Variants in RAD51B observed in about 807,000 individuals in gnomAD.
RAD51B encodes RAD51 paralog B.
Under a neutral mutation model 42.2 loss-of-function variants are expected in RAD51B, and 38 were observed. The ratio of observed to expected loss-of-function variants is 0.90; its 90% CI spans 0.70 to 1.18. The LOEUF (loss-of-function observed/expected upper bound fraction) is 1.18. RAD51B is among the 50% of genes most tolerant of loss of function. RAD51B has a pLI of 0.00. For missense variants in RAD51B, 373 were observed against 400.7 expected (o/e 0.93, Z 0.59); for synonymous variants, 154 against 145.2 (o/e 1.06, Z -0.43).
chr14:68,002,120 A>G (rs1052571251), intron 7 of RAD51B, among the ~76,000 whole-genome samples: 1 of 152,198 alleles, frequency 6.6e-6, no homozygotes, highest in Admixed American at 6.5e-5. Context: ...AGGAATCGCC[A>G]TACTGTGTTC....
intron 8 of RAD51B, among the ~76,000 whole-genome samples, chr14:68,352,945 C>T (rs946658450): frequency 6.6e-6 from 1 of 152,138 alleles, no homozygotes; most frequent in Non-Finnish European, 1.5e-5. Flanking sequence ...GAGGCTGGTA[C>T]TATTTTTCCT....
intron 10 of RAD51B, among the ~76,000 whole-genome samples, chr14:68,591,387 T>G (rs1178789914): frequency 6.6e-6 from 1 of 152,238 alleles, no homozygotes; most frequent in Non-Finnish European, 1.5e-5. Flanking sequence ...CACAGATTCA[T>G]GAATAAAGAC....
chr14:68,439,178 ACACACACACT>A (rs376776070), intron 9 of RAD51B, among the ~76,000 whole-genome samples: 16,589 of 103,722 alleles, frequency 0.16, 1,551 homozygotes, highest in African/African-American at 0.34. Context: ...ACACACACAC[ACACACACACT>A]CTCTCACACA....
At chr14:68,563,061 G>A in intron 10 of RAD51B, 1 of 985,494 alleles carries the variant, frequency 1.0e-6, no homozygotes, top group Non-Finnish European at 1.2e-6. Context: ...CTAGCCAGTG[G>A]GAGGGCAGAG....
intron 7 of RAD51B, among the ~76,000 whole-genome samples, chr14:68,152,523 A>G (rs1269152018): frequency 6.6e-6 from 1 of 152,060 alleles, no homozygotes; most frequent in African/African-American, 2.4e-5. Context: ...ATCACTCCCT[A>G]GAATCTCTTG....
At chr14:68,556,631 T>C (rs2140008094) in intron 10 of RAD51B, among the ~76,000 whole-genome samples, 1 of 152,300 alleles carries the variant, frequency 6.6e-6, no homozygotes, top group East Asian at 1.9e-4. Context: ...AAAGGTTCAC[T>C]GGGAAATGCA....
chr14:68,547,171 C>T (rs1169913039), intron 10 of RAD51B, among the ~76,000 whole-genome samples: 2 of 152,200 alleles, frequency 1.3e-5, no homozygotes, highest in Non-Finnish European at 2.9e-5. Context: ...GGTTCCGGCA[C>T]GATTAGTGCA....
At chr14:68,633,784 A>G (rs1043976570) in intron 10 of RAD51B, among the ~76,000 whole-genome samples, 1 of 152,184 alleles carries the variant, frequency 6.6e-6, no homozygotes, top group African/African-American at 2.4e-5. Context: ...TCGCCCTAAG[A>G]TGTGACCGTC....
chr14:68,628,057 C>A (rs1224350671), intron 10 of RAD51B, among the ~76,000 whole-genome samples: 1 of 152,122 alleles, frequency 6.6e-6, no homozygotes, highest in Non-Finnish European at 1.5e-5. Context: ...ATAAACAAGG[C>A]GGAAGAAGCC....
chr14:68,509,062 C>G (rs1242377902), intron 10 of RAD51B, among the ~76,000 whole-genome samples: 1 of 152,236 alleles, frequency 6.6e-6, no homozygotes, highest in Admixed American at 6.5e-5. Flanking sequence ...AAATAGGGGG[C>G]CCTGGGTCCT....
intron 7 of RAD51B, among the ~76,000 whole-genome samples, chr14:68,209,994 C>G (rs1595556271): frequency 6.7e-6 from 1 of 149,262 alleles, no homozygotes; most frequent in African/African-American, 2.5e-5. Flanking sequence ...GAGTCTTACT[C>G]TGTCACCCAG....
Position 68,334,939 on chromosome 14 carries a change from A to G in RAD51B, c.853+42959A>G, listed in dbSNP as rs371639491. Reference sequence around the variant, plus strand: ...TTATGATATATATACACACACATATATAAGTATTATATATGTTTTATATAT... The same window carrying G: ...TTATGATATATATACACACACATATGTAAGTATTATATATGTTTTATATAT... On this transcript the variant is annotated intron_variant, in intron 8 of 10. Coordinates refer to ENST00000471583, the MANE Select transcript of RAD51B (RefSeq NM_133510.4). 7.4e-4 allele frequency among the ~76,000 whole-genome samples: 66 copies of G among 88,768 alleles called. 1 individual carries two copies. In the South Asian group the frequency reaches 0.025, roughly 34 times the overall value. 58.2% of individuals were successfully genotyped at this position (88,768 alleles called of 152,430 possible).
chr14:68,017,766 A>G (rs1247919444), intron 7 of RAD51B, among the ~76,000 whole-genome samples: 1 of 151,876 alleles, frequency 6.6e-6, no homozygotes, highest in Non-Finnish European at 1.5e-5. Context: ...AGGTCAAGAG[A>G]TTGAGACCAT....
intron 4 of RAD51B, among the ~76,000 whole-genome samples, chr14:67,835,814 C>A (rs2041223394): frequency 6.6e-6 from 1 of 151,838 alleles, no homozygotes; most frequent in Non-Finnish European, 1.5e-5. Flanking sequence ...CATGGTCACA[C>A]CACTGCATTC....
intron 11 of RAD51B, among the ~76,000 whole-genome samples, chr14:68,673,613 AC>A: frequency 6.8e-6 from 1 of 146,450 alleles, no homozygotes; most frequent in African/African-American, 2.6e-5. Flanking sequence ...GCACACACAC[AC>A]GTACACATAC....
chr14:68,373,256 A>G (rs964846215), intron 8 of RAD51B, among the ~76,000 whole-genome samples: 21 of 152,184 alleles, frequency 1.4e-4, no homozygotes, highest in African/African-American at 4.1e-4. Flanking sequence ...TGTCCTATTT[A>G]ATCCTCTAAA....
chr14:68,079,536 G>A (rs796597013), intron 7 of RAD51B, among the ~76,000 whole-genome samples: 25 of 152,208 alleles, frequency 1.6e-4, no homozygotes, highest in African/African-American at 6.0e-4. Context: ...TTTATTATTA[G>A]TTGTAGTATA....
downstream of RAD51B, among the ~76,000 whole-genome samples, chr14:68,613,579 G>A (rs1472361277): frequency 6.6e-6 from 1 of 151,408 alleles, no homozygotes. Flanking sequence ...TCAGCTTCCT[G>A]AGTAGCTGGG....
chr14:68,573,604 T>C (rs1166746572), intron 10 of RAD51B, among the ~76,000 whole-genome samples: 6 of 152,240 alleles, frequency 3.9e-5, no homozygotes, highest in Non-Finnish European at 4.4e-5. Flanking sequence ...GTGTTGTTTA[T>C]TATCTGTCTC....
Sources: allele counts gnomAD v4.1 joint callset (sites outside exome capture counted in the v4.1 genomes callset), GRCh38; gene constraint gnomAD v4.1.1; transcripts MANE v1.5; gene names NCBI Gene and HGNC (gene_info 2026-07-23, HGNC 2026-07-21).